The following VTA1 variants were observed in gnomAD, a reference collection of about 807,000 sequenced individuals.
VTA1 encodes the protein vacuolar protein sorting-associated protein VTA1 homolog.
Under a neutral mutation model 36.9 loss-of-function variants are expected in VTA1, and 24 were observed. The ratio of observed to expected loss-of-function variants is 0.65; its 90% confidence interval spans 0.47 to 0.91. The LOEUF (loss-of-function observed/expected upper bound fraction) is 0.91. Among genes scored for constraint, VTA1 ranks in the 40% least tolerant of loss-of-function variants. The pLI is 0.00. For synonymous variants in VTA1, 142 were observed against 130.2 expected (o/e 1.09, Z -0.62); for missense variants, 393 against 377.2 (o/e 1.04, Z -0.35).
intron 4 of VTA1, among the ~76,000 whole-genome samples, chr6:142,172,114 G>T (rs1265095286): frequency 6.6e-6 from 1 of 152,076 alleles, no homozygotes; most frequent in African/African-American, 2.4e-5. Flanking sequence ...GGGTTCAAGT[G>T]ATTCCCCTGC....
In VTA1 at chr6:142,211,908, A is replaced by G. The variant is rs374500153; in HGVS notation, c.779-6590A>G. The stretch of plus-strand genomic sequence containing the variant: ...GAGGATATACAAATGGAAAGCAGAC[A>G]TATGAGAAGATACTCCACCGCATAT... On this transcript the variant is annotated intron_variant, in intron 7 of 7. Transcript: ENST00000367630. Among the ~76,000 whole-genome samples, 23 of 152,294 alleles carry G rather than the reference A, an allele frequency of 1.5e-4. No individual in the cohort carries two copies. The South Asian group carries it at 4.6e-3, about 30-fold the overall frequency.
In VTA1 at chr6:142,221,789, CATAAAT is replaced by C. The variant is rs1776115221; in HGVS notation, c.*3150_*3155del. On this transcript the variant is annotated 3_prime_UTR_variant, in exon 8 of 8. Coordinates refer to ENST00000367630, the MANE Select transcript of VTA1 (RefSeq NM_016485.5). ...TATAAATATGTATTTATATATAAAT[CATAAAT>C]ATATTAATAAATATATAATATATAT... 1 of 147,512 alleles carries C rather than the reference CATAAAT, an allele frequency of 6.8e-6. No homozygotes were observed. The highest frequency in any genetic ancestry group is 3.6e-3 in the Middle Eastern group (1 of 278). The allele number at this position is 147,512 out of a possible 1,614,324, so 9.1% of individuals were successfully genotyped here.
At chr6:142,171,692 A>G (rs1044454448) in intron 4 of VTA1, among the ~76,000 whole-genome samples, 10 of 152,194 alleles carry the variant, frequency 6.6e-5, no homozygotes, top group Non-Finnish European at 1.3e-4. Context: ...GAGGGAATAT[A>G]TTAATCTAGA....
At chr6:142,160,006 AT>A in intron 1 of VTA1, among the ~76,000 whole-genome samples, 1 of 151,832 alleles carries the variant, frequency 6.6e-6, no homozygotes, top group Non-Finnish European at 1.5e-5. Flanking sequence ...TATGGATCAC[AT>A]TTTCCTATCT....
chr6:142,161,083 C>CT lies in VTA1; in HGVS notation c.113-5145_113-5144insT, dbSNP rs1467769524. ...TTCATTCATGCTTCCTTCCTTCCCCCCCCCCCCTTTTTTTGGGTCAAATAG... is the reference window on the plus strand; with the variant it reads ...TTCATTCATGCTTCCTTCCTTCCCCCTCCCCCCCTTTTTTTGGGTCAAATAG... On this transcript the variant is annotated intron_variant, in intron 1 of 7. Transcript: ENST00000367630. 2.1e-3 allele frequency among the ~76,000 whole-genome samples: 297 copies of CT among 140,772 alleles called. 12 individuals are homozygous for CT. Among genetic ancestry groups the CT allele is most frequent in the Non-Finnish European group, 3.7e-3 (240 of 64,876 alleles). 92.4% of individuals were successfully genotyped at this position (140,772 alleles called of 152,430 possible). A position where few individuals can be genotyped will look rare whatever the true frequency, so the allele number is the denominator to read the frequency against.
chr6:142,177,140 A>C (rs543042017), intron 4 of VTA1, among the ~76,000 whole-genome samples: 7 of 152,204 alleles, frequency 4.6e-5, no homozygotes, highest in African/African-American at 1.7e-4. Flanking sequence ...ATAGTAGATA[A>C]ATATGAGAGT....
rs1049767035 is a variant in VTA1 at position 142,223,907 on chromosome 6, ACT to A, written c.*5266_*5267del. 5 of 151,782 alleles carry A rather than the reference ACT, an allele frequency of 3.3e-5. No individual in the cohort carries two copies. Among genetic ancestry groups the A allele is most frequent in the African/African-American group, 4.8e-5 (2 of 41,402 alleles). The allele number at this position is 151,782 out of a possible 1,614,324, so 9.4% of individuals were successfully genotyped here. A position where few individuals can be genotyped will look rare whatever the true frequency, so the allele number is the denominator to read the frequency against. On this transcript the variant is annotated 3_prime_UTR_variant, in exon 8 of 8. Transcript: ENST00000367630. Reference sequence around the variant, plus strand: ...GGAACAAATGTGGGCAATTCAGGTAACTCGAGTAATTTAGTGTTACTATGCAT... The same window carrying A: ...GGAACAAATGTGGGCAATTCAGGTAACGAGTAATTTAGTGTTACTATGCAT...
At chr6:142,161,057 A>C (rs1774795352) in intron 1 of VTA1, among the ~76,000 whole-genome samples, 1 of 141,962 alleles carries the variant, frequency 7.0e-6, no homozygotes, top group African/African-American at 2.7e-5. Context: ...ATTAGCAGGC[A>C]TTCATTCATG....
chr6:142,189,470 C>T lies in VTA1; in HGVS notation c.456C>T (p.Ile152=), dbSNP rs150897330. 13 of 1,613,908 alleles carry T rather than the reference C, an allele frequency of 8.1e-6. No individual in the cohort carries two copies. The highest frequency in any genetic ancestry group is 1.0e-5 in the Non-Finnish European group (12 of 1,179,944). The part of the protein sequence containing the change: ...RKYARWKATY[I]HNCLKNGETP... ...ATGCCAGATGGAAGGCAACATACAT[C>T]CATAATTGTTTAAAGAATGGGGAGA... Residue 152 remains isoleucine (I), a synonymous_variant, in exon 5 of 8, where the codon ATC becomes ATT. Coordinates refer to ENST00000367630, the MANE Select transcript of VTA1 (RefSeq NM_016485.5).
At position 142,223,083 on chromosome 6, in the gene VTA1, G is replaced by C. The variant is rs1776139348; in HGVS notation, c.*4440G>C. 1.3e-5 allele frequency: 2 copies of C among 152,280 alleles called. No homozygotes were observed. Among genetic ancestry groups the C allele is most frequent in the South Asian group, 2.1e-4 (1 of 4,828 alleles). 9.4% of individuals were successfully genotyped at this position (152,280 alleles called of 1,614,324 possible). A position where few individuals can be genotyped will look rare whatever the true frequency, so the allele number is the denominator to read the frequency against. The stretch of plus-strand genomic sequence containing the variant: ...GATGTTATGAGTTCCACATTATCAA[G>C]GTCATTGGACAGTTCCTTTTATTAG... On this transcript the variant is annotated 3_prime_UTR_variant, in exon 8 of 8. Transcript: ENST00000367630.
rs528875911 is a variant in VTA1 at position 142,191,354 on chromosome 6, G to A, written c.520+1820G>A. Among the ~76,000 whole-genome samples, 7 of 152,030 alleles carry A rather than the reference G, an allele frequency of 4.6e-5. No individual in the cohort carries two copies. In the South Asian group the frequency reaches 8.3e-4, roughly 18 times the overall value. On this transcript the variant is annotated intron_variant, in intron 5 of 7. Transcript: ENST00000367630. ...AATAAATTGTCAATTTGGGGTTTTC[G>A]GCATTCTTTCCATATCAGTAACTTC...
At chr6:142,166,770 C>A (rs576279858) in intron 2 of VTA1, among the ~76,000 whole-genome samples, 1 of 152,082 alleles carries the variant, frequency 6.6e-6, no homozygotes, top group Non-Finnish European at 1.5e-5. Flanking sequence ...TACAGGCACA[C>A]GCTAAACGCG....
rs540044992 is a variant in VTA1, at chr6:142,184,725, T to C, written c.412-4701T>C. On this transcript the variant is annotated intron_variant, in intron 4 of 7. Coordinates refer to ENST00000367630, the MANE Select transcript of VTA1 (RefSeq NM_016485.5). ...AGGGAAATGGAAATAAGACTGAGTG[T>C]CCACAATGTAGAGGGCCTTGAATGC... 1.3e-4 allele frequency among the ~76,000 whole-genome samples: 20 copies of C among 152,262 alleles called. No individual in the cohort carries two copies. In the South Asian group the frequency reaches 4.1e-3, roughly 32 times the overall value.
At chr6:142,210,535 A>G (rs1775883720) in intron 7 of VTA1, among the ~76,000 whole-genome samples, 1 of 152,260 alleles carries the variant, frequency 6.6e-6, no homozygotes, top group Non-Finnish European at 1.5e-5. Flanking sequence ...TCTATCTGAC[A>G]AGGGATTAAT....
intron 1 of VTA1, among the ~76,000 whole-genome samples, chr6:142,153,867 G>A (rs938523940): frequency 1.3e-5 from 2 of 152,030 alleles, no homozygotes; most frequent in Non-Finnish European, 2.9e-5. Flanking sequence ...AGCACATGTA[G>A]TTGTAAGAAA....
At chr6:142,211,004 C>A (rs1030056391) in intron 7 of VTA1, among the ~76,000 whole-genome samples, 1 of 152,116 alleles carries the variant, frequency 6.6e-6, no homozygotes, top group African/African-American at 2.4e-5. Flanking sequence ...GAAAAGAATT[C>A]TGTTATTTGC....
rs529537105 is a variant in VTA1 at position 142,155,307 on chromosome 6, G to A, written c.112+7908G>A. ...TCTAATTCAGTAATTCCAGTTTGGG[G>A]AAACGTGTTCAGGAAATAACTATAC... is the stretch of plus-strand genomic sequence containing the variant. On this transcript the variant is annotated intron_variant, in intron 1 of 7. Coordinates refer to ENST00000367630, the MANE Select transcript of VTA1 (RefSeq NM_016485.5). Among the ~76,000 whole-genome samples, 12 of 152,202 alleles carry A rather than the reference G, an allele frequency of 7.9e-5. No homozygotes were observed. In the East Asian group the frequency reaches 2.1e-3, roughly 27 times the overall value.
At chr6:142,200,631 A>G (rs1230443643) in intron 6 of VTA1, among the ~76,000 whole-genome samples, 1 of 152,022 alleles carries the variant, frequency 6.6e-6, no homozygotes, top group African/African-American at 2.4e-5. Context: ...TGATAGTCTT[A>G]TATGTTCAAA....
rs1327081822 is a variant in VTA1 at position 142,221,217 on chromosome 6, C to T, written c.*2574C>T. ...TTGCTAGAAAGTTCTGGGGACCACA[C>T]TATGGGAACTTCTGTATTAAATAGT... On this transcript the variant is annotated 3_prime_UTR_variant, in exon 8 of 8. Coordinates refer to ENST00000367630, the MANE Select transcript of VTA1 (RefSeq NM_016485.5). The T allele has an allele frequency of 6.6e-6, 1 of 152,158 alleles. No homozygotes were observed. Among genetic ancestry groups the T allele is most frequent in the African/African-American group, 2.4e-5 (1 of 41,444 alleles). 9.4% of individuals were successfully genotyped at this position (152,158 alleles called of 1,614,324 possible).
Sources: gnomAD v4.1 joint callset for allele counts (sites outside exome capture counted in the v4.1 genomes callset) on GRCh38, gnomAD v4.1.1 for gene constraint, MANE v1.5 for transcripts, NCBI Gene and HGNC (gene_info 2026-07-23, HGNC 2026-07-21) for gene names.